The following NEGR1 variants were observed in gnomAD, a reference collection of about 807,000 sequenced individuals.
NEGR1 encodes the protein IgLON family member 4.
A neutral mutation model predicts 40.9 loss-of-function variants in NEGR1; 10 were observed. The observed-to-expected ratio is 0.24, with a 90% CI of 0.15 to 0.42. NEGR1 has a LOEUF of 0.42. NEGR1 is among the 10% of genes least tolerant of loss of function. The probability of loss-of-function intolerance (pLI) is 1.00; values close to 1 mark genes in which losing one functional copy is unlikely to be tolerated. For missense variants in NEGR1, 352 were observed against 438.9 expected, an observed-to-expected ratio of 0.80 and a Z score of 1.77; for synonymous variants, 185 against 166.8, an observed-to-expected ratio of 1.11 and a Z score of -0.84.
intron 6 of NEGR1, among the ~76,000 whole-genome samples, chr1:71,444,157 C>G (rs1423108347): frequency 6.6e-6 from 1 of 152,062 alleles, no homozygotes; most frequent in African/African-American, 2.4e-5. Flanking sequence ...ATTGTAGGAG[C>G]CATAAGCTCC....
chr1:72,196,778 T>A (rs1570108666), intron 1 of NEGR1, among the ~76,000 whole-genome samples: 1 of 138,990 alleles, frequency 7.2e-6, no homozygotes. Flanking sequence ...AAAAAAAAAA[T>A]CACTACAAGA....
intron 3 of NEGR1, among the ~76,000 whole-genome samples, chr1:71,757,571 T>A (rs1395126255): frequency 6.6e-6 from 1 of 151,980 alleles, no homozygotes; most frequent in Non-Finnish European, 1.5e-5. Flanking sequence ...TTTTGACAGA[T>A]TTTTTTTCTA....
At chr1:71,925,774 C>T (rs7527501) in intron 2 of NEGR1, among the ~76,000 whole-genome samples, 32,666 of 151,376 alleles carry the variant, frequency 0.22, 3,846 homozygotes, top group Admixed American at 0.36. Flanking sequence ...CCCATTAAAA[C>T]GACTCCAAGA....
intron 6 of NEGR1, among the ~76,000 whole-genome samples, chr1:71,542,865 A>G (rs1175743138): frequency 1.3e-5 from 2 of 151,740 alleles, no homozygotes; most frequent in Non-Finnish European, 2.9e-5. Flanking sequence ...TGATCCAACC[A>G]ATTCTGGAGC....
At chr1:71,808,640 C>G (rs558673908) in intron 2 of NEGR1, among the ~76,000 whole-genome samples, 64 of 151,998 alleles carry the variant, frequency 4.2e-4, no homozygotes, top group African/African-American at 1.5e-3. Flanking sequence ...CTCTGCAATC[C>G]AAGGTAATAC....
intron 5 of NEGR1, 31 bp downstream of exon 5, chr1:71,610,995 T>C (rs1242070147): frequency 6.2e-7 from 1 of 1,610,116 alleles, no homozygotes; most frequent in Admixed American, 1.7e-5. Context: ...TCAAAGTGCT[T>C]AGAACACAGT....
chr1:72,157,855 C>G (rs1166601210), intron 1 of NEGR1, among the ~76,000 whole-genome samples: 1 of 152,112 alleles, frequency 6.6e-6, no homozygotes, highest in Non-Finnish European at 1.5e-5. Flanking sequence ...ACCTGATAGA[C>G]AAAATTACTG....
intron 6 of NEGR1, among the ~76,000 whole-genome samples, chr1:71,470,499 T>C (rs1459714797): frequency 6.6e-6 from 1 of 152,124 alleles, no homozygotes; most frequent in Non-Finnish European, 1.5e-5. Flanking sequence ...ATATACCTGT[T>C]TTTAGAGAGA....
At chr1:72,104,398 G>A (rs1649056422) in intron 1 of NEGR1, among the ~76,000 whole-genome samples, 1 of 152,094 alleles carries the variant, frequency 6.6e-6, no homozygotes, top group South Asian at 2.1e-4. Flanking sequence ...CAAATGACGT[G>A]ATTGCTGGAT....
chr1:72,199,639 A>T (rs1258110027), intron 1 of NEGR1, among the ~76,000 whole-genome samples: 2 of 151,986 alleles, frequency 1.3e-5, no homozygotes, highest in Non-Finnish European at 2.9e-5. Flanking sequence ...TAATCTATAA[A>T]TGTCCCTACC....
At chr1:71,962,750 ACT>A (rs1267610403) in intron 1 of NEGR1, among the ~76,000 whole-genome samples, 1 of 149,076 alleles carries the variant, frequency 6.7e-6, no homozygotes, top group Admixed American at 6.7e-5. Flanking sequence ...CTTAGACTTT[ACT>A]CTGTCTAAAT....
intron 2 of NEGR1, among the ~76,000 whole-genome samples, chr1:71,911,468 C>T (rs764531472): frequency 7.2e-5 from 11 of 152,112 alleles, no homozygotes; most frequent in South Asian, 2.1e-4. Context: ...ACCTATTCTT[C>T]GGTCCTGAGG....
Position 72,188,135 on chromosome 1 carries a change from C to G in NEGR1, c.176+94184G>C, listed in dbSNP as rs145526813. Among the ~76,000 whole-genome samples, 780 of 151,530 alleles carry G rather than the reference C, an allele frequency of 5.1e-3. 7 individuals carry two copies. Among genetic ancestry groups the G allele is most frequent in the African/African-American group, 0.018 (752 of 41,462 alleles). On this transcript the variant is annotated intron_variant, in intron 1 of 6. Transcript: ENST00000357731. ...CTCATGAGATGAATATAAAGGGACT[C>G]AACCTAGCAACTCTGTGCCATTCTC...
intron 6 of NEGR1, among the ~76,000 whole-genome samples, chr1:71,466,117 A>G (rs1374575111): frequency 1.3e-5 from 2 of 152,036 alleles, no homozygotes; most frequent in Non-Finnish European, 2.9e-5. Context: ...AATGGTGATA[A>G]TAATACGCAA....
At chr1:71,433,772 C>T (rs1332743078) in intron 6 of NEGR1, among the ~76,000 whole-genome samples, 1 of 152,116 alleles carries the variant, frequency 6.6e-6, no homozygotes, top group Non-Finnish European at 1.5e-5. Flanking sequence ...GACACAGAAC[C>T]AAACCATATC....
chr1:72,241,545 A>C (rs542984443), intron 1 of NEGR1, among the ~76,000 whole-genome samples: 5 of 151,814 alleles, frequency 3.3e-5, no homozygotes, highest in South Asian at 2.1e-4. Context: ...AGTATGCAAC[A>C]GAGTCCACAA....
chr1:71,827,782 A>T (rs1166482230), intron 2 of NEGR1, among the ~76,000 whole-genome samples: 1 of 151,844 alleles, frequency 6.6e-6, no homozygotes, highest in Non-Finnish European at 1.5e-5. Context: ...ATACCGCGAG[A>T]GAGACAGGTA....
intron 1 of NEGR1, among the ~76,000 whole-genome samples, chr1:72,273,009 A>G (rs915583541): frequency 2.0e-5 from 3 of 152,012 alleles, no homozygotes; most frequent in African/African-American, 7.2e-5. Context: ...GAATGCTTAT[A>G]AGAGCATCAA....
chr1:72,096,496 A>C (rs994769995), intron 1 of NEGR1, among the ~76,000 whole-genome samples: 3 of 152,024 alleles, frequency 2.0e-5, no homozygotes, highest in African/African-American at 7.2e-5. Flanking sequence ...AAAATTTCTT[A>C]TTAAAATATA....
Sources: allele counts gnomAD v4.1 joint callset (sites outside exome capture counted in the v4.1 genomes callset), GRCh38; gene constraint gnomAD v4.1.1; transcripts MANE v1.5; gene names NCBI Gene and HGNC (gene_info 2026-07-23, HGNC 2026-07-21).